The following ZC3H7A variants were observed in gnomAD, a reference collection of about 807,000 sequenced individuals.
ZC3H7A encodes the protein zinc finger CCCH domain-containing protein 7A.
ZC3H7A carries 44 observed loss-of-function variants against 125.5 expected under a neutral mutation model. The observed-to-expected ratio is 0.35, with a 90% CI of 0.28 to 0.45. ZC3H7A has a LOEUF of 0.45. ZC3H7A is among the 20% of genes least tolerant of loss of function. The probability of loss-of-function intolerance (pLI) is 1.00; values close to 1 mark genes in which losing one functional copy is unlikely to be tolerated. For missense variants in ZC3H7A, 977 were observed against 1,170.7 expected, an observed-to-expected ratio of 0.83 and a Z score of 2.41; for synonymous variants, 399 against 391.2, an observed-to-expected ratio of 1.02 and a Z score of -0.23.
Position 11,774,320 on chromosome 16 carries a change from A to G in ZC3H7A, c.819T>C (p.Ala273=). 6.2e-7 allele frequency: 1 copy of G among 1,613,950 alleles called. No individual in the cohort carries two copies. Among genetic ancestry groups the G allele is most frequent in the South Asian group, 1.1e-5 (1 of 91,026 alleles). The change falls in exon 9 of 23, where the codon GCT becomes GCC. Residue 273 remains alanine (A), a synonymous_variant. Coordinates refer to ENST00000355758, the MANE Select transcript of ZC3H7A (RefSeq NM_014153.4). ...GGACCATATCTCCATCATCTAGAAA[A>G]GCTTCTGGCATAGTGAAGGGCATCT... is the stretch of plus-strand genomic sequence containing the variant. ...GGKMPFTMPE[A]FLDDGDMVLG...
At position 11,756,376 on chromosome 16, in the gene ZC3H7A, G is replaced by C; in HGVS notation, c.2429-6C>G. ...AAATTGCTCCATATCTTGTACTAAAGAAAAATGAATTACTTTCAGCAGCAG... is the reference window on the plus strand; with the variant it reads ...AAATTGCTCCATATCTTGTACTAAACAAAAATGAATTACTTTCAGCAGCAG... On this transcript the variant is annotated splice_polypyrimidine_tract_variant and splice_region_variant and intron_variant, in intron 20 of 22. Transcript: ENST00000355758. 6.2e-7 allele frequency: 1 copy of C among 1,604,556 alleles called. No homozygotes were observed. Among genetic ancestry groups the C allele is most frequent in the Non-Finnish European group, 8.5e-7 (1 of 1,177,554 alleles).
At position 11,763,601 on chromosome 16, in the gene ZC3H7A, G is replaced by A. The variant is rs1389874009; in HGVS notation, c.1879C>T (p.His627Tyr). The A allele has an allele frequency of 1.2e-6, 2 of 1,608,964 alleles. No homozygotes were observed. The highest frequency in any genetic ancestry group is 1.1e-5 in the South Asian group (1 of 90,408). ...TVKYSKIRSFHGQCQLDLCRH... is the reference protein window; with the variant it reads ...TVKYSKIRSFYGQCQLDLCRH... ...CATAAATCAAGCTGACACTGACCAT[G>A]AAAAGAACGTATTTTGGAGTATTTT... is the stretch of plus-strand genomic sequence containing the variant. Residue 627 changes from histidine (H) to tyrosine (Y), a missense_variant, in exon 16 of 23, where the codon CAT (histidine) becomes TAT (tyrosine). This residue lies in a region of ZC3H7A where 436 missense variants were observed against 603.2 expected (regional missense o/e 0.72). Coordinates refer to ENST00000355758, the MANE Select transcript of ZC3H7A (RefSeq NM_014153.4).
rs2053133225 is a variant in ZC3H7A, at chr16:11,779,163, C to T, written c.306+3G>A. 7 of 1,583,836 alleles carry T rather than the reference C, an allele frequency of 4.4e-6. No homozygotes were observed. The highest frequency in any genetic ancestry group is 6.0e-6 in the Non-Finnish European group (7 of 1,159,678). ...AAACATCATTTTAAAAATTACAACT[C>T]ACCATATTAGAATAGCAGGCAATAC... On this transcript the variant is annotated splice_donor_region_variant and intron_variant, in intron 4 of 22. Transcript: ENST00000355758.
intron 7 of ZC3H7A, among the ~76,000 whole-genome samples, 168 bp downstream of exon 7, chr16:11,776,152 C>G (rs2053076456): frequency 6.6e-6 from 1 of 152,072 alleles, no homozygotes; most frequent in African/African-American, 2.4e-5. Flanking sequence ...CAGAACAAGA[C>G]TCTGTCTCAA....
At position 11,752,849 on chromosome 16, in the gene ZC3H7A, A is replaced by C. The variant is rs760998119; in HGVS notation, c.2563-17T>G. On this transcript the variant is annotated splice_polypyrimidine_tract_variant and intron_variant, in intron 21 of 22. Coordinates refer to ENST00000355758, the MANE Select transcript of ZC3H7A (RefSeq NM_014153.4). Reference sequence around the variant, plus strand: ...AAAGTCCACCTAATGTGCAGCAAAGACACATGTCCCATTAGTCACCTGATG... The same window carrying C: ...AAAGTCCACCTAATGTGCAGCAAAGCCACATGTCCCATTAGTCACCTGATG... 23 of 1,608,386 alleles carry C rather than the reference A, an allele frequency of 1.4e-5. No individual in the cohort carries two copies. Among genetic ancestry groups the C allele is most frequent in the Non-Finnish European group, 2.0e-5 (23 of 1,177,860 alleles).
At chr16:11,776,277 C>T in intron 7 of ZC3H7A, 43 bp downstream of exon 7, 1 of 1,546,852 alleles carries the variant, frequency 6.5e-7, no homozygotes. Flanking sequence ...CCCATCCTTC[C>T]CTTTAAAAAA....
At position 11,781,357 on chromosome 16, in the gene ZC3H7A, C is replaced by G. The variant is rs1596399713; in HGVS notation, c.108+68G>C. The G allele has an allele frequency of 2.0e-6, 3 of 1,502,554 alleles. No homozygotes were observed. The East Asian group carries it at 6.9e-5, about 35-fold the overall frequency. The allele number at this position is 1,502,554 out of a possible 1,614,324, so 93.1% of individuals were successfully genotyped here. ...GCCCACAAGGCCATCATTTGCCAAC[C>G]CCTGCTACAAATTACAGTTCACAAG... On this transcript the variant is annotated intron_variant, in intron 3 of 22. Transcript: ENST00000355758.
chr16:11,772,020 C>G (rs550620592), intron 9 of ZC3H7A, among the ~76,000 whole-genome samples: 1 of 151,660 alleles, frequency 6.6e-6, no homozygotes, highest in Non-Finnish European at 1.5e-5. Context: ...TGGTGAAACC[C>G]CGTCTCTACT....
intron 1 of ZC3H7A, among the ~76,000 whole-genome samples, chr16:11,785,917 C>G (rs2053250403): frequency 6.6e-6 from 1 of 152,122 alleles, no homozygotes; most frequent in Non-Finnish European, 1.5e-5. Flanking sequence ...CCGCGCCTGG[C>G]CGTTTTGTGT....
intron 21 of ZC3H7A, 23 bp downstream of exon 21, chr16:11,756,214 G>C: frequency 1.3e-6 from 2 of 1,594,996 alleles, no homozygotes; most frequent in Non-Finnish European, 1.7e-6. Flanking sequence ...GCAAAGAGAG[G>C]GTAAATGACG....
At chr16:11,780,280 T>C (rs1354457629) in intron 3 of ZC3H7A, among the ~76,000 whole-genome samples, 1 of 151,700 alleles carries the variant, frequency 6.6e-6, no homozygotes, top group Non-Finnish European at 1.5e-5. Flanking sequence ...GCCACCACAC[T>C]CGGCTAATTT....
chr16:11,753,477 T>C (rs1047337532), intron 21 of ZC3H7A, among the ~76,000 whole-genome samples: 11 of 152,162 alleles, frequency 7.2e-5, no homozygotes, highest in Non-Finnish European at 1.6e-4. Flanking sequence ...ATGGTCTCGC[T>C]GTCATCCAGG....
At chr16:11,756,129 C>T (rs536246108) in intron 21 of ZC3H7A, 108 bp downstream of exon 21, 74 of 1,481,640 alleles carry the variant, frequency 5.0e-5, no homozygotes, top group South Asian at 6.8e-5. Context: ...CACCACTGCA[C>T]TCCAGCCTGG....
chr16:11,752,521 T>C, intron 22 of ZC3H7A, 148 bp downstream of exon 22: 2 of 973,020 alleles, frequency 2.1e-6, no homozygotes, highest in Non-Finnish European at 3.0e-6. Flanking sequence ...GCGAAACACT[T>C]TGAGCCAAAA....
intron 4 of ZC3H7A, among the ~76,000 whole-genome samples, chr16:11,778,302 C>T (rs2053116327): frequency 6.6e-6 from 1 of 151,338 alleles, no homozygotes; most frequent in Admixed American, 6.6e-5. Context: ...CTGGGCACGG[C>T]GGCATGCGCC....
At position 11,750,827 on chromosome 16, in the gene ZC3H7A, G is replaced by C. The variant is rs1222752105; in HGVS notation, c.*490C>G. ...CATTTAACAAATACTAGTGTTAAAT[G>C]GTTATTTGGCTTAAAATCTGAGTTA... On this transcript the variant is annotated 3_prime_UTR_variant, in exon 23 of 23. Coordinates refer to ENST00000355758, the MANE Select transcript of ZC3H7A (RefSeq NM_014153.4). The C allele has an allele frequency of 6.5e-6, 1 of 152,674 alleles. No individual in the cohort carries two copies. Among genetic ancestry groups the C allele is most frequent in the African/African-American group, 2.4e-5 (1 of 41,422 alleles). The allele number at this position is 152,674 out of a possible 1,614,324, so 9.5% of individuals were successfully genotyped here. A position where few individuals can be genotyped will look rare whatever the true frequency, so the allele number is the denominator to read the frequency against.
At chr16:11,771,804 T>A (rs1161116215) in intron 9 of ZC3H7A, among the ~76,000 whole-genome samples, 2 of 152,092 alleles carry the variant, frequency 1.3e-5, no homozygotes, top group Non-Finnish European at 2.9e-5. Flanking sequence ...CCCAGCTAGA[T>A]GTCTAACATT....
intron 9 of ZC3H7A, among the ~76,000 whole-genome samples, chr16:11,773,839 C>T (rs1181212213): frequency 6.6e-6 from 1 of 151,840 alleles, no homozygotes; most frequent in South Asian, 2.1e-4. Context: ...GCCAAGACTG[C>T]GCCACTGCAC....
rs1191750321 is a variant in ZC3H7A, at chr16:11,765,328, G to A, written c.1719+161C>T. ...TGAATGAATGTTTTATCACATGGGA[G>A]GACCAGAGGAATATTTTATTCATAA... On this transcript the variant is annotated intron_variant, in intron 14 of 22. Coordinates refer to ENST00000355758, the MANE Select transcript of ZC3H7A (RefSeq NM_014153.4). The surrounding 1 kb of genome is among the most constrained non-coding windows in gnomAD (Gnocchi z 4.8). Among the ~76,000 whole-genome samples the A allele has an allele frequency of 6.6e-6, 1 of 151,834 alleles. No individual in the cohort carries two copies. The highest frequency in any genetic ancestry group is 2.4e-5 in the African/African-American group (1 of 41,326).
Sources: allele counts gnomAD v4.1 joint callset (sites outside exome capture counted in the v4.1 genomes callset), GRCh38; gene constraint gnomAD v4.1.1; regional missense constraint gnomAD v4.1.1; non-coding constraint Gnocchi (gnomAD v3.1); transcripts MANE v1.5; gene names NCBI Gene and HGNC (gene_info 2026-07-23, HGNC 2026-07-21).